The following HNRNPU variants were observed in gnomAD, a reference collection of about 807,000 sequenced individuals.
The protein encoded by HNRNPU is heterogeneous nuclear ribonucleoprotein U, also known as HNRNPU antisense RNA 1.
Under a neutral mutation model 94.7 loss-of-function variants are expected in HNRNPU, and 5 were observed. The ratio of observed to expected loss-of-function variants is 0.05; its 90% CI spans 0.03 to 0.11. The LOEUF (loss-of-function observed/expected upper bound fraction) is 0.11. Ranked by LOEUF, HNRNPU falls within the 10% of genes least tolerant of loss-of-function variation. HNRNPU has a pLI of 1.00. For missense variants in HNRNPU, 710 were observed against 1,049.2 expected, an observed-to-expected ratio of 0.68 and a Z score of 4.47; for synonymous variants, 434 against 381.6, an observed-to-expected ratio of 1.14 and a Z score of -1.60.
intron 11 of HNRNPU, 42 bp from the exon 12 acceptor site, chr1:244,855,650 CCTA>C (rs1229194757): frequency 6.4e-7 from 1 of 1,573,440 alleles, no homozygotes; most frequent in African/African-American, 1.4e-5. Context: ...TATATTGTAC[CCTA>C]CTTATACAGA....
Position 244,858,071 on chromosome 1 carries a change from G to A in HNRNPU, c.1434C>T (p.Asn478=), listed in dbSNP as rs778730784. ...PIPEEYTFIQ[N]VPLEDRVRGP... is the part of the protein sequence containing the mutation. ...CTCTAACTCGATCCTCTAAGGGGAC[G>A]TTCTGGATGAAAGTATACTCTTCAG... The change falls in exon 7 of 14, where the codon AAC becomes AAT. Residue 478 remains asparagine, a synonymous_variant. Transcript: ENST00000640218. 1.4e-4 allele frequency: 220 copies of A among 1,613,634 alleles called. No individual in the cohort carries two copies. Among genetic ancestry groups the A allele is most frequent in the Non-Finnish European group, 1.8e-4 (209 of 1,179,864 alleles).
rs983295778 is a variant in HNRNPU at position 244,864,379 on chromosome 1, TGCTGCGGCTGCTCCTCGGCCCGG to T, written c.-95_-73del. 4.8e-5 allele frequency: 76 copies of T among 1,584,082 alleles called. No individual in the cohort carries two copies. In the African/African-American group the frequency reaches 7.8e-4, roughly 16 times the overall value. Reference sequence around the variant, plus strand: ...CGCTCACTCGGCCACTGGTGGCGGCTGCTGCGGCTGCTCCTCGGCCCGGGCGGCGGCTGCGGCTGCGGCTGGAG... The same window carrying T: ...CGCTCACTCGGCCACTGGTGGCGGCTGCGGCGGCTGCGGCTGCGGCTGGAG... On this transcript the variant is annotated 5_prime_UTR_variant, in exon 1 of 14. Coordinates refer to ENST00000640218, the MANE Select transcript of HNRNPU (RefSeq NM_031844.3).
intron 3 of HNRNPU, chr1:244,860,709 T>C (rs1278773248): frequency 3.6e-6 from 2 of 557,786 alleles, no homozygotes; most frequent in Non-Finnish European, 3.1e-6. Context: ...AGGTTTAACA[T>C]GTATATTTTA....
intron 8 of HNRNPU, 47 bp from the exon 9 acceptor site, chr1:244,856,903 A>G: frequency 6.6e-7 from 1 of 1,503,940 alleles, no homozygotes; most frequent in Non-Finnish European, 9.0e-7. Flanking sequence ...GAATTTTAAT[A>G]AGTTATGCTT....
Position 244,857,732 on chromosome 1 carries a change from AG to A in HNRNPU, c.1495-16del. The A allele has an allele frequency of 6.2e-7, 1 of 1,610,254 alleles. No individual in the cohort carries two copies. On this transcript the variant is annotated splice_polypyrimidine_tract_variant and intron_variant, in intron 7 of 13. Transcript: ENST00000640218. ...ATCATCACAACCTAGTGAAAAGAAA[AG>A]AAATGTCATTTCACTGTCAGTAGAC...
chr1:244,864,427 G>GCT lies in HNRNPU; in HGVS notation c.-121_-120insAG, dbSNP rs1680946340. 1 of 1,527,670 alleles carries GCT rather than the reference G, an allele frequency of 6.5e-7. No homozygotes were observed. Among genetic ancestry groups the GCT allele is most frequent in the Non-Finnish European group, 8.8e-7 (1 of 1,132,400 alleles). The allele number at this position is 1,527,670 out of a possible 1,614,324, so 94.6% of individuals were successfully genotyped here. On this transcript the variant is annotated 5_prime_UTR_variant, in exon 1 of 14. Transcript: ENST00000640218. Reference sequence around the variant, plus strand: ...GGCGGCGGCTGCGGCTGCGGCTGGAGATGGGTTCGTGCTGCAGAGCGGATC... The same window carrying GCT: ...GGCGGCGGCTGCGGCTGCGGCTGGAGCTATGGGTTCGTGCTGCAGAGCGGATC...
rs769259590 is a variant in HNRNPU at position 244,854,162 on chromosome 1, TAAAA to T, written c.*284_*287del. ...AAGCAACATTTTACTTCTGTTGTGA[TAAAA>T]AAAAAAAAAAGTCACATTTTACAGA... is the stretch of plus-strand genomic sequence containing the variant. On this transcript the variant is annotated 3_prime_UTR_variant, in exon 14 of 14. Coordinates refer to ENST00000640218, the MANE Select transcript of HNRNPU (RefSeq NM_031844.3). 17 of 236,062 alleles carry T rather than the reference TAAAA, an allele frequency of 7.2e-5. 1 individual carries two copies. The highest frequency in any genetic ancestry group is 3.2e-4 in the South Asian group (5 of 15,614). 14.6% of individuals were successfully genotyped at this position (236,062 alleles called of 1,614,324 possible).
rs1482136982 is a variant in HNRNPU, at chr1:244,853,844, A to C, written c.*606T>G. On this transcript the variant is annotated 3_prime_UTR_variant, in exon 14 of 14. Transcript: ENST00000640218. ...CTCCATCTTCTCTATCTTAGTTCCA[A>C]GTTTTAGTTTTCAATCCCAATTATA... is the stretch of plus-strand genomic sequence containing the variant. The C allele has an allele frequency of 6.5e-6, 1 of 152,716 alleles. No individual in the cohort carries two copies. Among genetic ancestry groups the C allele is most frequent in the Non-Finnish European group, 1.5e-5 (1 of 68,034 alleles). 9.5% of individuals were successfully genotyped at this position (152,716 alleles called of 1,614,324 possible). A position where few individuals can be genotyped will look rare whatever the true frequency, so the allele number is the denominator to read the frequency against.
In HNRNPU at chr1:244,858,414, C is replaced by G. The variant is rs563124520; in HGVS notation, c.1231-140G>C. The G allele has an allele frequency of 1.1e-5, 8 of 715,188 alleles. No individual in the cohort carries two copies. The East Asian group carries it at 1.9e-4, about 17-fold the overall frequency. 44.3% of individuals were successfully genotyped at this position (715,188 alleles called of 1,614,324 possible). A position where few individuals can be genotyped will look rare whatever the true frequency, so the allele number is the denominator to read the frequency against. On this transcript the variant is annotated intron_variant, in intron 6 of 13. Coordinates refer to ENST00000640218, the MANE Select transcript of HNRNPU (RefSeq NM_031844.3). The stretch of plus-strand genomic sequence containing the variant: ...TATTAGGTGGCCTTTAAGGGCTACA[C>G]AGTTAAGAAATCTGATGGTTGTAAA...
chr1:244,850,917 A>T lies in HNRNPU; in HGVS notation c.*3533T>A, dbSNP rs1680530307. ...GTTCATCTTTCCAGGGGAACATCTCAAATGGGTATTCTGAAGCAGGTTGAG... is the reference window on the plus strand; with the variant it reads ...GTTCATCTTTCCAGGGGAACATCTCTAATGGGTATTCTGAAGCAGGTTGAG... On this transcript the variant is annotated 3_prime_UTR_variant, in exon 14 of 14. Transcript: ENST00000640218. The T allele has an allele frequency of 6.6e-6, 1 of 152,208 alleles. No homozygotes were observed. The highest frequency in any genetic ancestry group is 1.5e-5 in the Non-Finnish European group (1 of 68,030). The allele number at this position is 152,208 out of a possible 1,614,324, so 9.4% of individuals were successfully genotyped here. A position where few individuals can be genotyped will look rare whatever the true frequency, so the allele number is the denominator to read the frequency against.
chr1:244,864,493 G>A lies in HNRNPU; in HGVS notation c.-186C>T, dbSNP rs767476848. On this transcript the variant is annotated 5_prime_UTR_variant, in exon 1 of 14. Coordinates refer to ENST00000640218, the MANE Select transcript of HNRNPU (RefSeq NM_031844.3). ...GGCGCCAATTCCTTTCACCGAGTTC[G>A]CGAGGGAGACGCGGAGACTCGCCTG... The A allele has an allele frequency of 4.0e-6, 4 of 1,010,240 alleles. No homozygotes were observed. The highest frequency in any genetic ancestry group is 5.5e-6 in the Non-Finnish European group (4 of 721,772). The allele number at this position is 1,010,240 out of a possible 1,614,324, so 62.6% of individuals were successfully genotyped here. A position where few individuals can be genotyped will look rare whatever the true frequency, so the allele number is the denominator to read the frequency against.
intron 8 of HNRNPU, 59 bp downstream of exon 8, chr1:244,857,539 G>A: frequency 6.4e-7 from 1 of 1,551,836 alleles, no homozygotes; most frequent in Non-Finnish European, 8.8e-7. Context: ...GAACCACCAT[G>A]CCCAGCCTCT....
chr1:244,857,008 T>A, intron 8 of HNRNPU, 152 bp from the exon 9 acceptor site: 1 of 634,934 alleles, frequency 1.6e-6, no homozygotes, highest in Non-Finnish European at 2.7e-6. Context: ...CAGGGTCACT[T>A]AAACTATGTA....
In HNRNPU at chr1:244,856,516, T is replaced by C. The variant is rs1680684810; in HGVS notation, c.1853A>G (p.Gln618Arg). ...PKDEDYKQRT[Q>R]KKAEVEGKDL... ...TTTCCCCTCTACTTCTGCTTTCTTC[T>C]GTGTTCTTTGCTTATAGTCTTCATC... The change falls in exon 10 of 14, where the codon CAG becomes CGG. Residue 618 changes from glutamine (Q) to arginine (R), a missense_variant. Physicochemically the swap from Gln to Arg is conservative, Grantham distance 43. Transcript: ENST00000640218. The C allele has an allele frequency of 6.2e-7, 1 of 1,614,010 alleles. No homozygotes were observed. Among genetic ancestry groups the C allele is most frequent in the African/African-American group, 1.3e-5 (1 of 74,942 alleles).
rs1045573442 is a variant in HNRNPU, at chr1:244,864,498, G to A, written c.-191C>T. ...CAATTCCTTTCACCGAGTTCGCGAG[G>A]GAGACGCGGAGACTCGCCTGGCGCG... is the stretch of plus-strand genomic sequence containing the variant. On this transcript the variant is annotated 5_prime_UTR_variant, in exon 1 of 14. Transcript: ENST00000640218. The A allele has an allele frequency of 7.7e-6, 7 of 904,854 alleles. No homozygotes were observed. The East Asian group carries it at 9.1e-5, about 12-fold the overall frequency. 56.1% of individuals were successfully genotyped at this position (904,854 alleles called of 1,614,324 possible). A position where few individuals can be genotyped will look rare whatever the true frequency, so the allele number is the denominator to read the frequency against.
At position 244,851,481 on chromosome 1, in the gene HNRNPU, T is replaced by A. The variant is rs899768401; in HGVS notation, c.*2969A>T. 2.0e-4 allele frequency: 30 copies of A among 152,228 alleles called. No homozygotes were observed. The highest frequency in any genetic ancestry group is 4.1e-4 in the Non-Finnish European group (28 of 68,034). The allele number at this position is 152,228 out of a possible 1,614,324, so 9.4% of individuals were successfully genotyped here. The stretch of plus-strand genomic sequence containing the variant: ...ATACAGAATACACTCTGTTCATGAA[T>A]ATAAAATCCCCAGGTGAAAGTCCCT... On this transcript the variant is annotated 3_prime_UTR_variant, in exon 14 of 14. Coordinates refer to ENST00000640218, the MANE Select transcript of HNRNPU (RefSeq NM_031844.3).
intron 4 of HNRNPU, 181 bp from the exon 5 acceptor site, chr1:244,859,555 TA>T (rs1453637087): frequency 2.4e-6 from 1 of 422,282 alleles, no homozygotes; most frequent in African/African-American, 2.0e-5. Flanking sequence ...ACTTGAAATT[TA>T]AAGAGTTAAA....
chr1:244,859,229 C>T (rs774443169), intron 5 of HNRNPU, 46 bp downstream of exon 5: 1 of 945,928 alleles, frequency 1.1e-6, no homozygotes. Context: ...GAAATCAGAC[C>T]CTCCTGAACA....
chr1:244,862,743 C>A lies in HNRNPU; in HGVS notation c.692-13G>T. ...GTTTTGCCGTCCCCTAAAACACACA[C>A]GAGCCCCATAAAGGCCAAGCCTCTA... is the stretch of plus-strand genomic sequence containing the variant. On this transcript the variant is annotated splice_polypyrimidine_tract_variant and intron_variant, in intron 1 of 13. Transcript: ENST00000640218. 1.9e-6 allele frequency: 3 copies of A among 1,598,798 alleles called. No homozygotes were observed. The highest frequency in any genetic ancestry group is 1.7e-6 in the Non-Finnish European group (2 of 1,166,134).
Sources: allele counts gnomAD v4.1 joint callset, GRCh38; gene constraint gnomAD v4.1.1; transcripts MANE v1.5; gene names NCBI Gene and HGNC (gene_info 2026-07-23, HGNC 2026-07-21).